GAB2: variants seen among roughly 807,000 people sequenced by gnomAD.
GAB2 encodes GRB2 associated binding protein 2, also known as GRB2-associated-binding protein 2.
Under a neutral mutation model 65.5 loss-of-function variants are expected in GAB2, and 26 were observed. The observed-to-expected ratio is 0.40, with a 90% CI of 0.29 to 0.55. The LOEUF (loss-of-function observed/expected upper bound fraction) is 0.55. GAB2 is among the 20% of genes least tolerant of loss of function. The pLI, the probability that GAB2 is intolerant of heterozygous loss-of-function variation, is 0.53. For missense variants in GAB2, 884 were observed against 875.8 expected (o/e 1.01, Z -0.12); for synonymous variants, 321 against 329.6 (o/e 0.97, Z 0.28).
At chr11:78,240,924 A>G (rs1281309995) in intron 3 of GAB2, among the ~76,000 whole-genome samples, 1 of 152,150 alleles carries the variant, frequency 6.6e-6, no homozygotes, top group Non-Finnish European at 1.5e-5. Flanking sequence ...CAGCTGCCAC[A>G]ATAGGTTCAT....
chr11:78,300,658 T>G (rs1866977141), intron 1 of GAB2, among the ~76,000 whole-genome samples: 1 of 151,404 alleles, frequency 6.6e-6, no homozygotes, highest in African/African-American at 2.4e-5. Context: ...TGGGTAATGT[T>G]ATCTCACTGT....
chr11:78,332,903 C>T (rs1254566859), intron 1 of GAB2, among the ~76,000 whole-genome samples: 1 of 152,068 alleles, frequency 6.6e-6, no homozygotes, highest in African/African-American at 2.4e-5. Context: ...TTTTTAAGAA[C>T]CTTCCCCTTT....
At chr11:78,300,867 G>T (rs926794173) in intron 1 of GAB2, among the ~76,000 whole-genome samples, 2 of 151,670 alleles carry the variant, frequency 1.3e-5, no homozygotes, top group Non-Finnish European at 2.9e-5. Context: ...GCTAATTTTT[G>T]TATTTTTAGT....
intron 1 of GAB2, among the ~76,000 whole-genome samples, chr11:78,415,747 C>T (rs1451576791): frequency 6.6e-6 from 1 of 152,156 alleles, no homozygotes; most frequent in Non-Finnish European, 1.5e-5. Flanking sequence ...CAAATGCCTC[C>T]AAACCTGGTT....
At chr11:78,413,859 C>T (rs1029521644) in intron 1 of GAB2, among the ~76,000 whole-genome samples, 5 of 151,992 alleles carry the variant, frequency 3.3e-5, no homozygotes, top group Non-Finnish European at 4.4e-5. Flanking sequence ...GAGGCCGAGG[C>T]GGGTGGATCA....
chr11:78,285,425 C>A (rs1401853821), intron 1 of GAB2, among the ~76,000 whole-genome samples: 2 of 152,162 alleles, frequency 1.3e-5, no homozygotes, highest in Non-Finnish European at 2.9e-5. Context: ...CTAGTCTAGT[C>A]CCAAATTCAC....
chr11:78,288,496 C>G (rs183364464), intron 1 of GAB2, among the ~76,000 whole-genome samples: 66 of 151,910 alleles, frequency 4.3e-4, no homozygotes, highest in African/African-American at 1.4e-3. Context: ...AGCAAGGTCA[C>G]AGGATACAAG....
intron 1 of GAB2, among the ~76,000 whole-genome samples, chr11:78,311,716 T>C (rs1855503165): frequency 2.0e-5 from 3 of 152,236 alleles, no homozygotes; most frequent in African/African-American, 7.2e-5. Flanking sequence ...TATTCATTAA[T>C]TCTTTCCATA....
At chr11:78,363,807 A>G (rs942405213) in intron 1 of GAB2, among the ~76,000 whole-genome samples, 2 of 151,966 alleles carry the variant, frequency 1.3e-5, no homozygotes, top group Non-Finnish European at 2.9e-5. Context: ...ACTGGTCTCG[A>G]ATTTCCAAGC....
chr11:78,235,594 T>C (rs563746809), intron 3 of GAB2, among the ~76,000 whole-genome samples: 1 of 152,346 alleles, frequency 6.6e-6, no homozygotes, highest in East Asian at 1.9e-4. Flanking sequence ...TTCCGCCAGA[T>C]ACCCTAAATC....
chr11:78,415,939 C>CTTTTTTTTTT (rs1303081510), intron 1 of GAB2, among the ~76,000 whole-genome samples: 2 of 129,030 alleles, frequency 1.6e-5, no homozygotes, highest in African/African-American at 5.6e-5. Context: ...TTAAGGGTCA[C>CTTTTTTTTTT]TTTTTTTTTT....
chr11:78,402,771 C>A (rs73502966), intron 1 of GAB2, among the ~76,000 whole-genome samples: 11,311 of 152,078 alleles, frequency 0.074, 1,351 homozygotes, highest in African/African-American at 0.25. Context: ...TTTTAAAAGT[C>A]ACCTTTTAGA....
Position 78,215,527 on chromosome 11 carries a change from A to AATTTTAAATGGTAACAAG in GAB2, c.*3727_*3744dup, listed in dbSNP as rs1379155590. ...AACAGTGATTTGAAAATTAAATGTC[A>AATTTTAAATGGTAACAAG]ATTTTAAATGGTAACAAGACAAGAA... On this transcript the variant is annotated 3_prime_UTR_variant, in exon 10 of 10. Transcript: ENST00000361507. 3.9e-5 allele frequency: 6 copies of AATTTTAAATGGTAACAAG among 152,658 alleles called. No individual in the cohort carries two copies. The highest frequency in any genetic ancestry group is 8.8e-5 in the Non-Finnish European group (6 of 68,046). 9.5% of individuals were successfully genotyped at this position (152,658 alleles called of 1,614,324 possible).
At chr11:78,415,591 A>G (rs1421418505) in intron 1 of GAB2, among the ~76,000 whole-genome samples, 2 of 152,260 alleles carry the variant, frequency 1.3e-5, no homozygotes, top group Non-Finnish European at 2.9e-5. Context: ...AAGTGAACAC[A>G]TCACATCCTA....
At chr11:78,221,068 C>A (rs114856649) in intron 8 of GAB2, among the ~76,000 whole-genome samples, 2,409 of 152,282 alleles carry the variant, frequency 0.016, 66 homozygotes, top group African/African-American at 0.055. Context: ...AGGATCCTGT[C>A]CATCCAGGCT....
intron 3 of GAB2, among the ~76,000 whole-genome samples, chr11:78,248,218 G>A (rs1865349421): frequency 1.3e-5 from 2 of 152,102 alleles, no homozygotes; most frequent in Non-Finnish European, 1.5e-5. Context: ...AGATTAATAG[G>A]GATTTCACAG....
intron 1 of GAB2, chr11:78,363,916 G>A (rs1263095050): frequency 1.3e-5 from 2 of 152,030 alleles, no homozygotes; most frequent in African/African-American, 4.8e-5. Flanking sequence ...GCTGTAAGTA[G>A]AGTTTTAAAT....
intron 1 of GAB2, among the ~76,000 whole-genome samples, chr11:78,357,007 G>A (rs539437384): frequency 6.6e-6 from 1 of 152,274 alleles, no homozygotes; most frequent in South Asian, 2.1e-4. Context: ...TGAGTAGGGG[G>A]TAATAGGGAG....
intron 1 of GAB2, among the ~76,000 whole-genome samples, chr11:78,371,551 A>C (rs561269275): frequency 3.9e-5 from 6 of 152,218 alleles, no homozygotes; most frequent in Non-Finnish European, 8.8e-5. Context: ...TTATACTGCT[A>C]ACATCACTCT....
Sources: allele counts gnomAD v4.1 joint callset (sites outside exome capture counted in the v4.1 genomes callset), GRCh38; gene constraint gnomAD v4.1.1; transcripts MANE v1.5; gene names NCBI Gene and HGNC (gene_info 2026-07-23, HGNC 2026-07-21).